The following KHDRBS2 variants were observed in gnomAD, a reference collection of about 807,000 sequenced individuals.
The protein encoded by KHDRBS2 is KH RNA binding domain containing, signal transduction associated 2, also known as KH domain-containing, RNA-binding, signal transduction-associated protein 2.
A neutral mutation model predicts 44.3 loss-of-function variants in KHDRBS2; 26 were observed. The observed-to-expected ratio is 0.59, with a 90% confidence interval of 0.43 to 0.81. The LOEUF (loss-of-function observed/expected upper bound fraction) is 0.81. Ranked by LOEUF, KHDRBS2 falls within the 40% of genes least tolerant of loss-of-function variation. The pLI is 0.00. For missense variants in KHDRBS2, 476 were observed against 433.1 expected, an observed-to-expected ratio of 1.10 and a Z score of -0.88; for synonymous variants, 194 against 151.1, an observed-to-expected ratio of 1.28 and a Z score of -2.08.
At chr6:62,080,715 A>C (rs1797226519) in intron 2 of KHDRBS2, among the ~76,000 whole-genome samples, 1 of 152,084 alleles carries the variant, frequency 6.6e-6, no homozygotes, top group African/African-American at 2.4e-5. Flanking sequence ...CTTCTCTGTG[A>C]AGTCTGTGAA....
chr6:61,818,009 T>C (rs1431645745), intron 6 of KHDRBS2, among the ~76,000 whole-genome samples: 1 of 151,948 alleles, frequency 6.6e-6, no homozygotes, highest in African/African-American at 2.4e-5. Flanking sequence ...TAGCACATTG[T>C]CCACATCTCC....
chr6:61,712,960 G>T (rs1161609517), intron 7 of KHDRBS2, among the ~76,000 whole-genome samples: 2 of 151,112 alleles, frequency 1.3e-5, no homozygotes, highest in Non-Finnish European at 3.0e-5. Flanking sequence ...TCTTAAATAG[G>T]GTGTCTGAAA....
At chr6:62,114,872 AC>A (rs1461409264) in intron 2 of KHDRBS2, among the ~76,000 whole-genome samples, 2 of 149,804 alleles carry the variant, frequency 1.3e-5, no homozygotes, top group African/African-American at 2.5e-5. Context: ...ATAATAATAA[AC>A]TTTTTAGAAA....
At chr6:61,570,256 T>C in the KHDRBS2 span, among the ~76,000 whole-genome samples, 9 of 152,042 alleles carry the variant, frequency 5.9e-5, no homozygotes, top group Non-Finnish European at 1.2e-4. Context: ...GAAAGACACA[T>C]TCAGTGAAAT....
chr6:61,733,816 T>C (rs1250420510), intron 6 of KHDRBS2, among the ~76,000 whole-genome samples: 1 of 151,704 alleles, frequency 6.6e-6, no homozygotes, highest in Non-Finnish European at 1.5e-5. Context: ...TGGTCATTAA[T>C]TTTAAACACT....
Position 61,974,390 on chromosome 6 carries a change from C to T in KHDRBS2, c.483+3676G>A, listed in dbSNP as rs2127400787. ...CAATAGTGGCAATACTTGCTTACCTCTTTATAGAATATAAAGAGAGGAGTG... is the reference window on the plus strand; with the variant it reads ...CAATAGTGGCAATACTTGCTTACCTTTTTATAGAATATAAAGAGAGGAGTG... On this transcript the variant is annotated intron_variant, in intron 4 of 8. Transcript: ENST00000281156. Among the ~76,000 whole-genome samples, 6 of 150,994 alleles carry T rather than the reference C, an allele frequency of 4.0e-5. No individual in the cohort carries two copies. In the South Asian group the frequency reaches 1.3e-3, roughly 32 times the overall value.
At chr6:61,703,223 C>T (rs1183525193) in intron 7 of KHDRBS2, among the ~76,000 whole-genome samples, 1 of 151,638 alleles carries the variant, frequency 6.6e-6, no homozygotes, top group African/African-American at 2.4e-5. Flanking sequence ...ATAAAAATAG[C>T]AGCTTTCTGA....
the KHDRBS2 span, among the ~76,000 whole-genome samples, chr6:61,619,224 G>A: frequency 6.6e-6 from 1 of 150,618 alleles, no homozygotes; most frequent in Non-Finnish European, 1.5e-5. Context: ...CCCAAGTAGT[G>A]TACATCGTGT....
At chr6:61,879,280 C>T (rs977417408) in intron 6 of KHDRBS2, among the ~76,000 whole-genome samples, 1 of 151,902 alleles carries the variant, frequency 6.6e-6, no homozygotes, top group Non-Finnish European at 1.5e-5. Context: ...AAGAAAATAT[C>T]AGCATATATC....
At chr6:62,256,991 C>A (rs1837494110) in intron 1 of KHDRBS2, among the ~76,000 whole-genome samples, 1 of 152,074 alleles carries the variant, frequency 6.6e-6, no homozygotes, top group South Asian at 2.1e-4. Flanking sequence ...ACATCCTATG[C>A]CATGTGCTTT....
chr6:61,612,422 A>G, the KHDRBS2 span, among the ~76,000 whole-genome samples: 1 of 152,304 alleles, frequency 6.6e-6, no homozygotes, highest in African/African-American at 2.4e-5. Flanking sequence ...TCATTTCCCA[A>G]CCAGCTCAAT....
rs998029505 is a variant in KHDRBS2, at chr6:62,161,578, G to GC, written c.219+15606_219+15607insG. On this transcript the variant is annotated intron_variant, in intron 2 of 8. Coordinates refer to ENST00000281156, the MANE Select transcript of KHDRBS2 (RefSeq NM_152688.4). Reference sequence around the variant, plus strand: ...TCCGAGAATTTTGGTATTTGCGGGGGGGGGGGGGGTCCCAGAACAAATCCT... The same window carrying GC: ...TCCGAGAATTTTGGTATTTGCGGGGGCGGGGGGGGGTCCCAGAACAAATCCT... 1.5e-5 allele frequency among the ~76,000 whole-genome samples: 2 copies of GC among 131,296 alleles called. 1 individual carries two copies. Among genetic ancestry groups the GC allele is most frequent in the South Asian group, 5.8e-4 (2 of 3,436 alleles). 86.1% of individuals were successfully genotyped at this position (131,296 alleles called of 152,430 possible). A position where few individuals can be genotyped will look rare whatever the true frequency, so the allele number is the denominator to read the frequency against.
At chr6:62,264,029 G>A (rs975579627) in intron 1 of KHDRBS2, among the ~76,000 whole-genome samples, 3 of 151,666 alleles carry the variant, frequency 2.0e-5, no homozygotes, top group African/African-American at 7.3e-5. Context: ...AATGCAATCT[G>A]AAAACATCAA....
chr6:61,639,134 G>T, the KHDRBS2 span, among the ~76,000 whole-genome samples: 2 of 152,056 alleles, frequency 1.3e-5, no homozygotes, highest in African/African-American at 4.8e-5. Flanking sequence ...ATGAGCTGAT[G>T]CATTTTGCTT....
chr6:61,586,147 C>A, the KHDRBS2 span, among the ~76,000 whole-genome samples: 1 of 152,168 alleles, frequency 6.6e-6, no homozygotes, highest in Non-Finnish European at 1.5e-5. Context: ...TTACTTAAAT[C>A]CTTTATTTGC....
the KHDRBS2 span, among the ~76,000 whole-genome samples, chr6:61,561,502 C>G: frequency 7.2e-5 from 11 of 152,148 alleles, no homozygotes; most frequent in Non-Finnish European, 1.6e-4. Context: ...TAGTAAGAAA[C>G]CTTAGGTACC....
At chr6:61,846,354 A>T (rs1794403220) in intron 6 of KHDRBS2, among the ~76,000 whole-genome samples, 1 of 152,206 alleles carries the variant, frequency 6.6e-6, no homozygotes. Flanking sequence ...TAGAAAATCT[A>T]ACCACAGTTG....
intron 3 of KHDRBS2, among the ~76,000 whole-genome samples, chr6:62,011,673 G>A (rs1230436012): frequency 6.6e-6 from 1 of 152,056 alleles, no homozygotes; most frequent in South Asian, 2.1e-4. Context: ...TATTTCTAAG[G>A]TCTTGATTTC....
At chr6:61,899,736 C>CCA (rs1554263642) in intron 5 of KHDRBS2, among the ~76,000 whole-genome samples, 2 of 133,574 alleles carry the variant, frequency 1.5e-5, no homozygotes, top group Non-Finnish European at 3.2e-5. Context: ...TTTTAATGCC[C>CCA]CCCCCCCGCA....
Sources: allele counts gnomAD v4.1 joint callset (sites outside exome capture counted in the v4.1 genomes callset), GRCh38; gene constraint gnomAD v4.1.1; transcripts MANE v1.5; gene names NCBI Gene and HGNC (gene_info 2026-07-23, HGNC 2026-07-21).